Variants in IAH1 observed in about 807,000 individuals in gnomAD.
The protein encoded by IAH1 is isoamyl acetate-hydrolyzing esterase 1 homolog.
A neutral mutation model predicts 26.7 loss-of-function variants in IAH1; 24 were observed. The ratio of observed to expected loss-of-function variants is 0.90; its 90% CI spans 0.65 to 1.26. IAH1 has a LOEUF of 1.26. IAH1 is among the 50% of genes most tolerant of loss of function. The probability of loss-of-function intolerance (pLI) is 0.00; values close to 1 mark genes in which losing one functional copy is unlikely to be tolerated. For missense variants in IAH1, 300 were observed against 299.9 expected (o/e 1.00, Z 0.00); for synonymous variants, 140 against 118.5 (o/e 1.18, Z -1.18).
At chr2:9,484,605 C>A in intron 5 of IAH1, 55 bp downstream of exon 5, 2 of 1,195,656 alleles carry the variant, frequency 1.7e-6, no homozygotes, top group Non-Finnish European at 2.5e-6. Flanking sequence ...AGAAGTAAAC[C>A]AGGTGTGTGT....
At chr2:9,479,240 T>A (rs1302566892) in intron 3 of IAH1, among the ~76,000 whole-genome samples, 1 of 152,148 alleles carries the variant, frequency 6.6e-6, no homozygotes, top group African/African-American at 2.4e-5. Flanking sequence ...CAGAATTTTT[T>A]AAAAAGATAA....
chr2:9,479,031 A>G (rs1572836023), intron 3 of IAH1, among the ~76,000 whole-genome samples: 1 of 152,248 alleles, frequency 6.6e-6, no homozygotes, highest in African/African-American at 2.4e-5. Flanking sequence ...TCTGCTATTC[A>G]CGGGCACACC....
intron 1 of IAH1, among the ~76,000 whole-genome samples, chr2:9,475,523 C>T (rs186807744): frequency 4.8e-4 from 72 of 148,676 alleles, no homozygotes; most frequent in Non-Finnish European, 1.6e-4. Flanking sequence ...TTTTTTGAGA[C>T]GGAGTCTCGC....
At chr2:9,485,191 T>A (rs1477347904) in intron 5 of IAH1, 2 of 152,256 alleles carry the variant, frequency 1.3e-5, no homozygotes, top group Non-Finnish European at 2.9e-5. Context: ...CCTTCTGTGA[T>A]GAATAGGGAA....
intron 5 of IAH1, among the ~76,000 whole-genome samples, chr2:9,487,749 T>C (rs1310423505): frequency 6.6e-6 from 1 of 151,510 alleles, no homozygotes; most frequent in African/African-American, 2.4e-5. Context: ...TGGTACACAC[T>C]GGCATTTAGA....
chr2:9,490,885 A>G (rs1342591699), downstream of IAH1, among the ~76,000 whole-genome samples: 1 of 152,190 alleles, frequency 6.6e-6, no homozygotes, highest in Non-Finnish European at 1.5e-5. Context: ...TGGCTTGGGA[A>G]GGGGACAGCA....
At chr2:9,478,514 C>T (rs1246048476) in intron 3 of IAH1, 144 bp downstream of exon 3, 1 of 727,044 alleles carries the variant, frequency 1.4e-6, no homozygotes, top group African/African-American at 1.8e-5. Context: ...ATATGTATTC[C>T]TGGCTTTAAC....
Position 9,488,335 on chromosome 2 carries a change from C to A in IAH1, c.*6C>A. The A allele has an allele frequency of 6.3e-7, 1 of 1,581,614 alleles. No individual in the cohort carries two copies. On this transcript the variant is annotated 3_prime_UTR_variant, in exon 6 of 6. Coordinates refer to ENST00000497473, the MANE Select transcript of IAH1 (RefSeq NM_001039613.3). ...TGGGAGATGGAGACCATTAGCCAAT[C>A]ACAGGAGACCCAAATCTGCTTGTTA... is the stretch of plus-strand genomic sequence containing the variant.
intron 1 of IAH1, 181 bp from the exon 2 acceptor site, chr2:9,475,806 C>T: frequency 1.6e-6 from 1 of 617,182 alleles, no homozygotes; most frequent in Non-Finnish European, 2.9e-6. Context: ...AGAGAAAAAT[C>T]CCCCTCTGCT....
chr2:9,475,961 GTAA>G (rs1354124177), intron 1 of IAH1, 23 bp from the exon 2 acceptor site: 1 of 1,607,602 alleles, frequency 6.2e-7, no homozygotes, highest in African/African-American at 1.3e-5. Flanking sequence ...GTCATTAGTA[GTAA>G]TAATGGGCTT....
chr2:9,510,355 C>G, the IAH1 span, among the ~76,000 whole-genome samples: 1 of 151,974 alleles, frequency 6.6e-6, no homozygotes, highest in Non-Finnish European at 1.5e-5. Context: ...CCTATCTCTA[C>G]AAAAATAATA....
intron 2 of IAH1, among the ~76,000 whole-genome samples, chr2:9,477,357 C>T (rs1466609583): frequency 1.3e-5 from 2 of 152,122 alleles, no homozygotes; most frequent in African/African-American, 4.8e-5. Flanking sequence ...AGTTGAACCC[C>T]AGGCGTCATT....
At chr2:9,494,177 C>A (rs1039111369), downstream of IAH1, among the ~76,000 whole-genome samples, 3 of 152,152 alleles carry the variant, frequency 2.0e-5, no homozygotes, top group African/African-American at 7.2e-5. Context: ...AATCTTAAAA[C>A]CCTCTCCCAT....
At chr2:9,508,736 G>A in the IAH1 span, among the ~76,000 whole-genome samples, 2 of 152,038 alleles carry the variant, frequency 1.3e-5, no homozygotes, top group African/African-American at 4.8e-5. Flanking sequence ...AACATCCCCC[G>A]CCCCGCAGCA....
the IAH1 span, chr2:9,505,679 G>A: frequency 8.9e-6 from 3 of 335,330 alleles, no homozygotes; most frequent in Non-Finnish European, 1.7e-5. Context: ...AAGCAGAATA[G>A]CACAACAGAG....
chr2:9,506,359 GTT>G, the IAH1 span, among the ~76,000 whole-genome samples: 810 of 73,150 alleles, frequency 0.011, 4 homozygotes, highest in African/African-American at 0.016. Context: ...CTTCAAATCT[GTT>G]TTTTTTTTTT....
At chr2:9,490,423 A>G, downstream of IAH1, 2 of 1,614,160 alleles carry the variant, frequency 1.2e-6, no homozygotes, top group South Asian at 1.1e-5. Flanking sequence ...AAGGGATCAC[A>G]GGGGCAGGCT....
downstream of IAH1, chr2:9,490,152 T>TAA: frequency 6.4e-7 from 1 of 1,560,930 alleles, no homozygotes; most frequent in East Asian, 2.3e-5. Flanking sequence ...TTTGCACACT[T>TAA]AAGTCAGAAG....
chr2:9,505,503 C>A, the IAH1 span: 30,236 of 812,398 alleles, frequency 0.037, 743 homozygotes, highest in Non-Finnish European at 0.046. Flanking sequence ...GGCAAGGCCA[C>A]CACAGTCTCC....
Sources: gnomAD v4.1 joint callset for allele counts (sites outside exome capture counted in the v4.1 genomes callset) on GRCh38, gnomAD v4.1.1 for gene constraint, MANE v1.5 for transcripts, NCBI Gene and HGNC (gene_info 2026-07-23, HGNC 2026-07-21) for gene names.